Variants in DLGAP2 observed in about 807,000 individuals in gnomAD.
DLGAP2 encodes the protein disks large-associated protein 2.
DLGAP2 carries 26 observed loss-of-function variants against 100.3 expected under a neutral mutation model. That is an observed-to-expected ratio of 0.26 (90% CI 0.19 to 0.36). The LOEUF is 0.36. Among genes scored for constraint, DLGAP2 ranks in the 10% least tolerant of loss-of-function variants. DLGAP2 has a pLI of 1.00. For synonymous variants in DLGAP2, 886 were observed against 630.1 expected, an observed-to-expected ratio of 1.41 and a Z score of -6.08; for missense variants, 1,858 against 1,453.2, an observed-to-expected ratio of 1.28 and a Z score of -4.53.
intron 3 of DLGAP2, among the ~76,000 whole-genome samples, chr8:1,483,030 G>C (rs1307298315): frequency 1.3e-5 from 2 of 152,188 alleles, no homozygotes; most frequent in Non-Finnish European, 2.9e-5. Flanking sequence ...CTCCTCCTTG[G>C]AGCTGGCTTG....
intron 2 of DLGAP2, among the ~76,000 whole-genome samples, chr8:1,023,857 A>ATGTATGTG (rs1554468197): frequency 7.8e-6 from 1 of 128,836 alleles, no homozygotes; most frequent in Middle Eastern, 3.7e-3. Flanking sequence ...AACTTTATAT[A>ATGTATGTG]TGTGTGTGTG....
chr8:1,048,508 A>G (rs531008628), intron 2 of DLGAP2, among the ~76,000 whole-genome samples: 1 of 151,786 alleles, frequency 6.6e-6, no homozygotes, highest in Non-Finnish European at 1.5e-5. Flanking sequence ...GGGCCCTGCT[A>G]TACTCCGCAA....
In DLGAP2 at chr8:1,449,136, C is replaced by G. The variant is rs543892674; in HGVS notation, c.107-52230C>G. Among the ~76,000 whole-genome samples, 98 of 152,308 alleles carry G rather than the reference C, an allele frequency of 6.4e-4. No individual in the cohort carries two copies. In the Middle Eastern group the frequency reaches 0.027, roughly 42 times the overall value. ...ATTATTAATTCCTGTTCTCTTTCCT[C>G]TCATCTTCCCCTGATGGGGAAAGTC... On this transcript the variant is annotated intron_variant, in intron 3 of 14. Coordinates refer to ENST00000637795, the MANE Select transcript of DLGAP2 (RefSeq NM_001346810.2).
At chr8:1,163,751 C>T (rs931945389) in intron 2 of DLGAP2, among the ~76,000 whole-genome samples, 1 of 152,178 alleles carries the variant, frequency 6.6e-6, no homozygotes, top group Non-Finnish European at 1.5e-5. Flanking sequence ...GCGGCCGCCG[C>T]GGGTGCAGGA....
chr8:1,321,433 A>G (rs1178144169), intron 3 of DLGAP2, among the ~76,000 whole-genome samples: 2 of 151,998 alleles, frequency 1.3e-5, no homozygotes, highest in Non-Finnish European at 2.9e-5. Flanking sequence ...GTGTGCTTGC[A>G]TCCATGCGTC....
At chr8:839,774 A>G (rs545682212) in intron 1 of DLGAP2, among the ~76,000 whole-genome samples, 1 of 152,290 alleles carries the variant, frequency 6.6e-6, no homozygotes, top group African/African-American at 2.4e-5. Flanking sequence ...CATCACCCAC[A>G]TGGGCATTCC....
intron 2 of DLGAP2, among the ~76,000 whole-genome samples, chr8:949,446 G>A (rs1041701544): frequency 6.7e-6 from 1 of 148,544 alleles, no homozygotes; most frequent in Non-Finnish European, 1.5e-5. Flanking sequence ...TGAGGAGGGA[G>A]GGGTCTGCAA....
intron 1 of DLGAP2, among the ~76,000 whole-genome samples, chr8:774,509 T>C (rs1465503586): frequency 1.3e-5 from 2 of 151,416 alleles, no homozygotes; most frequent in Non-Finnish European, 3.0e-5. Context: ...TTAATCCATC[T>C]TGAATTGATT....
chr8:1,452,485 AG>A (rs1798190502), intron 3 of DLGAP2, among the ~76,000 whole-genome samples: 1 of 152,214 alleles, frequency 6.6e-6, no homozygotes, highest in African/African-American at 2.4e-5. Flanking sequence ...TGGTCATCTC[AG>A]GGCCGCTAGG....
chr8:1,306,784 C>T (rs117262934), intron 3 of DLGAP2, among the ~76,000 whole-genome samples: 5 of 152,120 alleles, frequency 3.3e-5, no homozygotes, highest in African/African-American at 1.2e-4. Context: ...GTGCCAAGAC[C>T]ATTCAATGGA....
intron 3 of DLGAP2, among the ~76,000 whole-genome samples, chr8:1,451,075 C>G (rs1311407217): frequency 1.3e-5 from 2 of 152,108 alleles, no homozygotes; most frequent in African/African-American, 4.8e-5. Flanking sequence ...TTTAAAGTTA[C>G]ATGAGTAACA....
chr8:1,508,907 A>G (rs1207398271), intron 4 of DLGAP2, among the ~76,000 whole-genome samples: 6 of 152,032 alleles, frequency 3.9e-5, no homozygotes, highest in African/African-American at 7.2e-5. Flanking sequence ...CACATTCTCA[A>G]TGGTTTTCTG....
At chr8:1,686,056 C>T (rs1799106879) in intron 12 of DLGAP2, among the ~76,000 whole-genome samples, 1 of 152,208 alleles carries the variant, frequency 6.6e-6, no homozygotes, top group Admixed American at 6.5e-5. Flanking sequence ...GTGATCCAGT[C>T]ATTGTCCTGC....
intron 3 of DLGAP2, among the ~76,000 whole-genome samples, chr8:1,497,974 T>C (rs528382204): frequency 2.6e-4 from 39 of 152,348 alleles, no homozygotes; most frequent in South Asian, 6.2e-4. Context: ...GTGGTCAAGA[T>C]ACAGCTTTTG....
At chr8:848,868 G>A (rs560698708) in intron 1 of DLGAP2, among the ~76,000 whole-genome samples, 60 of 150,784 alleles carry the variant, frequency 4.0e-4, no homozygotes, top group African/African-American at 6.9e-4. Flanking sequence ...ATAGGATCGC[G>A]CGGTGTCTGT....
chr8:1,188,298 T>G (rs1585134377), intron 2 of DLGAP2, among the ~76,000 whole-genome samples: 2 of 128,264 alleles, frequency 1.6e-5, no homozygotes, highest in South Asian at 2.6e-4. Context: ...TCACAGAATC[T>G]CACACGCCCG....
At chr8:884,987 C>G (rs2128994372) in intron 1 of DLGAP2, among the ~76,000 whole-genome samples, 1 of 152,196 alleles carries the variant, frequency 6.6e-6, no homozygotes, top group East Asian at 1.9e-4. Flanking sequence ...CTCCATTGGT[C>G]TATATGTCTG....
intron 3 of DLGAP2, among the ~76,000 whole-genome samples, chr8:1,420,674 C>G (rs1584882145): frequency 6.6e-6 from 1 of 152,262 alleles, no homozygotes; most frequent in East Asian, 1.9e-4. Flanking sequence ...TTCCCTCTCG[C>G]CAAAATGCCC....
At chr8:1,232,154 C>A (rs1343703229) in intron 2 of DLGAP2, among the ~76,000 whole-genome samples, 3 of 152,202 alleles carry the variant, frequency 2.0e-5, no homozygotes, top group African/African-American at 7.2e-5. Flanking sequence ...CCCTTCACGA[C>A]TGGGTGGTGC....
Sources: gnomAD v4.1 joint callset for allele counts (sites outside exome capture counted in the v4.1 genomes callset) on GRCh38, gnomAD v4.1.1 for gene constraint, MANE v1.5 for transcripts, NCBI Gene and HGNC (gene_info 2026-07-23, HGNC 2026-07-21) for gene names.